The following PAK5 variants were observed in gnomAD, a reference collection of about 807,000 sequenced individuals.
PAK5 encodes the protein p21 (RAC1) activated kinase 5, also known as serine/threonine-protein kinase PAK 5.
A neutral mutation model predicts 65.9 loss-of-function variants in PAK5; 16 were observed. The observed-to-expected ratio is 0.24, with a 90% CI of 0.16 to 0.37. The LOEUF is 0.37. Ranked by LOEUF, PAK5 falls within the 10% of genes least tolerant of loss-of-function variation. The probability of loss-of-function intolerance (pLI) is 1.00; values close to 1 mark genes in which losing one functional copy is unlikely to be tolerated. For missense variants in PAK5, 785 were observed against 903.9 expected (o/e 0.87, Z 1.69); for synonymous variants, 371 against 354.9 (o/e 1.05, Z -0.51).
chr20:9,549,625 A>T (rs563690591), intron 7 of PAK5, among the ~76,000 whole-genome samples: 6 of 152,344 alleles, frequency 3.9e-5, no homozygotes, highest in African/African-American at 1.4e-4. Context: ...ATAAAAACTC[A>T]GGACGCCAAT....
chr20:9,670,529 T>A lies in PAK5; in HGVS notation c.-11-26190A>T. Among the ~76,000 whole-genome samples, 2 of 152,350 alleles carry A rather than the reference T, an allele frequency of 1.3e-5. 1 individual carries two copies. On this transcript the variant is annotated intron_variant, in intron 2 of 9. Coordinates refer to ENST00000353224, the MANE Select transcript of PAK5 (RefSeq NM_177990.4). Reference sequence around the variant, plus strand: ...GCATTTCTCTGATGGCCAGTGATGATGAGCATTTTTTCATGTGTCTGTTGG... The same window carrying A: ...GCATTTCTCTGATGGCCAGTGATGAAGAGCATTTTTTCATGTGTCTGTTGG...
At chr20:9,597,751 T>A (rs1403730388) in intron 3 of PAK5, among the ~76,000 whole-genome samples, 1 of 152,154 alleles carries the variant, frequency 6.6e-6, no homozygotes, top group Non-Finnish European at 1.5e-5. Flanking sequence ...CTGGTTACCA[T>A]GTGTACAAGT....
chr20:9,689,317 C>T (rs566131317), intron 2 of PAK5, among the ~76,000 whole-genome samples: 5 of 152,178 alleles, frequency 3.3e-5, no homozygotes, highest in African/African-American at 4.8e-5. Flanking sequence ...GGCTTCCTTT[C>T]ATTCTGTGGC....
intron 5 of PAK5, among the ~76,000 whole-genome samples, chr20:9,563,860 C>T (rs1391853278): frequency 2.6e-5 from 4 of 152,080 alleles, no homozygotes; most frequent in African/African-American, 4.8e-5. Context: ...AATAAGCACC[C>T]GTGGGAGCTG....
chr20:9,538,395 C>CA lies in PAK5; in HGVS notation c.*1066_*1067insT. The CA allele has an allele frequency of 4.3e-6, 1 of 233,566 alleles. No homozygotes were observed. The highest frequency in any genetic ancestry group is 8.5e-6 in the Non-Finnish European group (1 of 117,996). 14.5% of individuals were successfully genotyped at this position (233,566 alleles called of 1,614,324 possible). ...TAAATATAGACAAGAGTTTGGTGTG[C>CA]TAGCATACAGAGTTTTAAAAATGGT... On this transcript the variant is annotated 3_prime_UTR_variant, in exon 10 of 10. Transcript: ENST00000353224.
chr20:9,551,772 C>T (rs188679635), intron 7 of PAK5, among the ~76,000 whole-genome samples: 1 of 152,298 alleles, frequency 6.6e-6, no homozygotes, highest in East Asian at 1.9e-4. Context: ...AATGCAGCTT[C>T]CTGGGTACCA....
intron 9 of PAK5, among the ~76,000 whole-genome samples, chr20:9,542,364 A>G (rs1414588176): frequency 6.6e-6 from 1 of 152,180 alleles, no homozygotes; most frequent in Non-Finnish European, 1.5e-5. Context: ...GCCAATCATA[A>G]CCCATTTTAC....
chr20:9,580,813 G>C lies in PAK5; in HGVS notation c.322C>G (p.Pro108Ala). 1 of 1,613,980 alleles carries C rather than the reference G, an allele frequency of 6.2e-7. No homozygotes were observed. Among genetic ancestry groups the C allele is most frequent in the Non-Finnish European group, 8.5e-7 (1 of 1,179,978 alleles). ...CCGTGGCTGGAGGCTCCCTGATCTG[G>C]GGTGGGTGGGCTTTCTTTCCTTAGG... ...NSLRKESPPTPDQGASSHGPG... is the reference protein window; with the variant it reads ...NSLRKESPPTADQGASSHGPG... Residue 108 changes from proline to alanine, a missense_variant, in exon 4 of 10, where the codon CCA (proline) becomes GCA (alanine). Pro to Ala is a conservative substitution (Grantham distance 27). Transcript: ENST00000353224.
intron 1 of PAK5, among the ~76,000 whole-genome samples, chr20:9,771,582 ATTT>A (rs545140358): frequency 1.1e-4 from 12 of 109,758 alleles, no homozygotes; most frequent in East Asian, 6.4e-4. Context: ...CAATTTTTTA[ATTT>A]TTTTTTTTTT....
At chr20:9,626,330 C>A (rs972504158) in intron 3 of PAK5, among the ~76,000 whole-genome samples, 2 of 152,112 alleles carry the variant, frequency 1.3e-5, no homozygotes, top group Admixed American at 1.3e-4. Flanking sequence ...GTTTCCAAAC[C>A]ATATGCCAAG....
intron 3 of PAK5, among the ~76,000 whole-genome samples, chr20:9,620,468 G>T (rs552244701): frequency 6.6e-6 from 1 of 152,210 alleles, no homozygotes; most frequent in Non-Finnish European, 1.5e-5. Context: ...ACCACATGGC[G>T]TCTGGGGCTG....
intron 3 of PAK5, among the ~76,000 whole-genome samples, chr20:9,628,485 G>T (rs1243395062): frequency 6.6e-6 from 1 of 152,186 alleles, no homozygotes; most frequent in Non-Finnish European, 1.5e-5. Context: ...TTTGTAGGAA[G>T]TATAGTCATT....
chr20:9,538,937 AAAC>A lies in PAK5; in HGVS notation c.*522_*524del, dbSNP rs1246981453. 1.5e-4 allele frequency: 34 copies of A among 233,272 alleles called. No individual in the cohort carries two copies. The highest frequency in any genetic ancestry group is 2.5e-4 in the Non-Finnish European group (30 of 117,910). The allele number at this position is 233,272 out of a possible 1,614,324, so 14.5% of individuals were successfully genotyped here. A position where few individuals can be genotyped will look rare whatever the true frequency, so the allele number is the denominator to read the frequency against. ...AAGGCTTTGTTCAAACTCCTCTAGTAAACAAGTATTACTTCAACTGATACAATG... is the reference window on the plus strand; with the variant it reads ...AAGGCTTTGTTCAAACTCCTCTAGTAAAGTATTACTTCAACTGATACAATG... On this transcript the variant is annotated 3_prime_UTR_variant, in exon 10 of 10. Transcript: ENST00000353224.
chr20:9,678,116 A>AT (rs369420400), intron 2 of PAK5, among the ~76,000 whole-genome samples: 37 of 152,176 alleles, frequency 2.4e-4, no homozygotes, highest in African/African-American at 8.7e-4. Context: ...AACAAGACTC[A>AT]TTTTTTCCAA....
chr20:9,753,865 A>G (rs994698283), intron 1 of PAK5, among the ~76,000 whole-genome samples: 1 of 152,126 alleles, frequency 6.6e-6, no homozygotes, highest in Non-Finnish European at 1.5e-5. Context: ...TCATGGATCA[A>G]GCTGAGGCTA....
Position 9,716,873 on chromosome 20 carries a change from A to G in PAK5, c.-161-5438T>C, listed in dbSNP as rs953505606. 1.6e-4 allele frequency among the ~76,000 whole-genome samples: 24 copies of G among 152,074 alleles called. 1 individual carries two copies. The highest frequency in any genetic ancestry group is 4.1e-4 in the African/African-American group (17 of 41,424). The stretch of plus-strand genomic sequence containing the variant: ...AGAGGCAAGCTGATCACTTGAGCTC[A>G]TGAGTTTTGAGACCAGCCTGAGCAA... On this transcript the variant is annotated intron_variant, in intron 1 of 9. Transcript: ENST00000353224.
At chr20:9,687,271 T>G (rs73067756) in intron 2 of PAK5, among the ~76,000 whole-genome samples, 4,261 of 152,328 alleles carry the variant, frequency 0.028, 95 homozygotes, top group African/African-American at 0.061. Flanking sequence ...AGTCTGCGTA[T>G]TTTTCTTTTT....
chr20:9,605,886 C>T (rs568452878), intron 3 of PAK5, among the ~76,000 whole-genome samples: 12 of 151,956 alleles, frequency 7.9e-5, no homozygotes, highest in South Asian at 2.1e-4. Flanking sequence ...GCCGAGATGG[C>T]GCTACTGCAC....
chr20:9,752,928 G>A (rs1190249622), intron 1 of PAK5, among the ~76,000 whole-genome samples: 1 of 152,128 alleles, frequency 6.6e-6, no homozygotes, highest in Admixed American at 6.6e-5. Context: ...AAGGCTTGCA[G>A]CTTCCACCCT....
Sources: allele counts gnomAD v4.1 joint callset (sites outside exome capture counted in the v4.1 genomes callset), GRCh38; gene constraint gnomAD v4.1.1; transcripts MANE v1.5; gene names NCBI Gene and HGNC (gene_info 2026-07-23, HGNC 2026-07-21).